The following SMAD2 variants were observed in gnomAD, a reference collection of about 807,000 sequenced individuals.
SMAD2 encodes MAD homolog 2.
SMAD2 carries 8 observed loss-of-function variants against 64.4 expected under a neutral mutation model. The ratio of observed to expected loss-of-function variants is 0.12; its 90% CI spans 0.07 to 0.22. The LOEUF is 0.22. SMAD2 is among the 10% of genes least tolerant of loss of function. SMAD2 has a pLI of 1.00. For missense variants in SMAD2, 289 were observed against 561.2 expected, an observed-to-expected ratio of 0.51 and a Z score of 4.90; for synonymous variants, 203 against 195.8, an observed-to-expected ratio of 1.04 and a Z score of -0.31.
intron 1 of SMAD2, among the ~76,000 whole-genome samples, chr18:47,916,160 T>C (rs1196408757): frequency 1.3e-5 from 2 of 152,240 alleles, no homozygotes; most frequent in African/African-American, 2.4e-5. Context: ...TACTAACATT[T>C]TACAAACTAC....
At chr18:47,884,427 C>G (rs1045238053) in intron 2 of SMAD2, among the ~76,000 whole-genome samples, 6 of 152,054 alleles carry the variant, frequency 3.9e-5, no homozygotes, top group Admixed American at 3.3e-4. Context: ...GAGACAGAGG[C>G]CACATTTTTA....
intron 10 of SMAD2, among the ~76,000 whole-genome samples, chr18:47,843,128 G>T (rs1252874310): frequency 6.6e-6 from 1 of 152,164 alleles, no homozygotes; most frequent in African/African-American, 2.4e-5. Flanking sequence ...TCCAACTGCA[G>T]GTATCTGCAT....
rs1912394779 is a variant in SMAD2 at position 47,816,998 on chromosome 18, T to C, written c.*24829A>G. 6.6e-6 allele frequency: 1 copy of C among 152,296 alleles called. No homozygotes were observed. Among genetic ancestry groups the C allele is most frequent in the Admixed American group, 6.5e-5 (1 of 15,280 alleles). 9.4% of individuals were successfully genotyped at this position (152,296 alleles called of 1,614,324 possible). A position where few individuals can be genotyped will look rare whatever the true frequency, so the allele number is the denominator to read the frequency against. On this transcript the variant is annotated 3_prime_UTR_variant, in exon 11 of 11. Coordinates refer to ENST00000262160, the MANE Select transcript of SMAD2 (RefSeq NM_005901.6). ...GGCTGGTCTCAAACTCCTGACCTCG[T>C]GATCGGCCCACCTCAGCCTCCCAAA...
intron 1 of SMAD2, among the ~76,000 whole-genome samples, chr18:47,927,524 TAA>T (rs1474003998): frequency 1.3e-5 from 2 of 152,254 alleles, no homozygotes; most frequent in African/African-American, 2.4e-5. Flanking sequence ...TGTTTGCTGT[TAA>T]GAGACTTTAT....
At chr18:47,850,503 G>A (rs188070628) in intron 7 of SMAD2, among the ~76,000 whole-genome samples, 3 of 8,880 alleles carry the variant, frequency 3.4e-4, no homozygotes, top group Non-Finnish European at 1.8e-4. Flanking sequence ...TATAATATAT[G>A]TTATATATAT....
At chr18:47,903,643 A>G (rs1300190495) in intron 1 of SMAD2, among the ~76,000 whole-genome samples, 1 of 152,170 alleles carries the variant, frequency 6.6e-6, no homozygotes, top group Non-Finnish European at 1.5e-5. Context: ...TCAGATAACT[A>G]TAATAAAAAT....
At chr18:47,907,239 T>A (rs2033941765) in intron 1 of SMAD2, among the ~76,000 whole-genome samples, 1 of 152,222 alleles carries the variant, frequency 6.6e-6, no homozygotes. Context: ...ATGTTCATAG[T>A]AGCCATGTTA....
At chr18:47,858,862 C>T (rs1277819330) in intron 6 of SMAD2, among the ~76,000 whole-genome samples, 1 of 151,860 alleles carries the variant, frequency 6.6e-6, no homozygotes, top group Non-Finnish European at 1.5e-5. Context: ...AGATAAAAAC[C>T]AGAGAGAACA....
At position 47,822,148 on chromosome 18, in the gene SMAD2, G is replaced by A. The variant is rs1448415674; in HGVS notation, c.*19679C>T. ...TGATATGAGTGTTCCAAAATTGTAC[G>A]ATGCCGTTAGAAATATGTCATCAGT... is the stretch of plus-strand genomic sequence containing the variant. On this transcript the variant is annotated 3_prime_UTR_variant, in exon 11 of 11. Coordinates refer to ENST00000262160, the MANE Select transcript of SMAD2 (RefSeq NM_005901.6). 1.3e-5 allele frequency: 2 copies of A among 152,260 alleles called. No homozygotes were observed. The highest frequency in any genetic ancestry group is 1.3e-4 in the Admixed American group (2 of 15,288). The allele number at this position is 152,260 out of a possible 1,614,324, so 9.4% of individuals were successfully genotyped here.
intron 1 of SMAD2, chr18:47,923,420 T>C (rs1163503130): frequency 6.6e-6 from 1 of 152,216 alleles, no homozygotes; most frequent in African/African-American, 2.4e-5. Flanking sequence ...GATGTAAATG[T>C]CCTTGGGTAT....
intron 2 of SMAD2, among the ~76,000 whole-genome samples, chr18:47,886,611 A>ATCTATCTG (rs1359291390): frequency 1.7e-4 from 26 of 152,014 alleles, no homozygotes; most frequent in African/African-American, 6.3e-4. Flanking sequence ...CTATCTATCT[A>ATCTATCTG]TCTAACCATA....
intron 2 of SMAD2, among the ~76,000 whole-genome samples, chr18:47,887,701 A>G (rs768117026): frequency 1.3e-5 from 2 of 152,158 alleles, no homozygotes; most frequent in Non-Finnish European, 2.9e-5. Context: ...CCCTTTCTTC[A>G]TTCTACCGAT....
At chr18:47,920,010 G>A (rs2034500132) in intron 1 of SMAD2, 1 of 152,142 alleles carries the variant, frequency 6.6e-6, no homozygotes, top group African/African-American at 2.4e-5. Flanking sequence ...AGTCAGTTCA[G>A]GACGGTATAA....
chr18:47,834,495 T>TAC lies in SMAD2; in HGVS notation c.*7330_*7331dup, dbSNP rs1913224312. On this transcript the variant is annotated 3_prime_UTR_variant, in exon 11 of 11. Transcript: ENST00000262160. ...GGGCAGCTGGTCACCCTGAGAACAC[T>TAC]ACCCACTCGTTCCTTAATATCACTA... The TAC allele has an allele frequency of 9.9e-6, 2 of 203,030 alleles. No homozygotes were observed. The highest frequency in any genetic ancestry group is 6.0e-5 in the Admixed American group (1 of 16,724). 12.6% of individuals were successfully genotyped at this position (203,030 alleles called of 1,614,324 possible).
chr18:47,845,147 A>G (rs1914371024), intron 10 of SMAD2, 193 bp downstream of exon 10: 5 of 663,164 alleles, frequency 7.5e-6, no homozygotes, highest in African/African-American at 1.8e-5. Flanking sequence ...GCATGTTTTA[A>G]TATCTTCCAT....
At chr18:47,852,775 T>A (rs970493076) in intron 6 of SMAD2, among the ~76,000 whole-genome samples, 1 of 151,970 alleles carries the variant, frequency 6.6e-6, no homozygotes, top group Non-Finnish European at 1.5e-5. Flanking sequence ...ACAGGCTAAA[T>A]CTAATCAAGA....
chr18:47,847,082 A>G (rs185964120), intron 8 of SMAD2, among the ~76,000 whole-genome samples: 3 of 152,326 alleles, frequency 2.0e-5, no homozygotes, highest in Admixed American at 1.3e-4. Context: ...AAAAAATCCA[A>G]TAACGACAGC....
rs1912633758 is a variant in SMAD2, at chr18:47,823,235, T to G, written c.*18592A>C. The G allele has an allele frequency of 1.3e-5, 2 of 152,210 alleles. No homozygotes were observed. The highest frequency in any genetic ancestry group is 4.8e-5 in the African/African-American group (2 of 41,464). 9.4% of individuals were successfully genotyped at this position (152,210 alleles called of 1,614,324 possible). On this transcript the variant is annotated 3_prime_UTR_variant, in exon 11 of 11. Coordinates refer to ENST00000262160, the MANE Select transcript of SMAD2 (RefSeq NM_005901.6). ...GGTAAAATCTAAAGTCTACCTTGACTTAGCTTCTTAGCCTCAAGGAGGTTT... is the reference window on the plus strand; with the variant it reads ...GGTAAAATCTAAAGTCTACCTTGACGTAGCTTCTTAGCCTCAAGGAGGTTT...
intron 6 of SMAD2, among the ~76,000 whole-genome samples, chr18:47,861,055 G>A (rs2144350697): frequency 6.6e-6 from 1 of 152,052 alleles, no homozygotes; most frequent in Middle Eastern, 3.4e-3. Context: ...GAAGACTGGG[G>A]AAAAAAAGAA....
Sources: allele counts gnomAD v4.1 joint callset (sites outside exome capture counted in the v4.1 genomes callset), GRCh38; gene constraint gnomAD v4.1.1; transcripts MANE v1.5; gene names NCBI Gene and HGNC (gene_info 2026-07-23, HGNC 2026-07-21).